MAGI2: variants seen among roughly 807,000 people sequenced by gnomAD.
MAGI2 encodes membrane associated guanylate kinase, WW and PDZ domain containing 2.
MAGI2 carries 35 observed loss-of-function variants against 133.3 expected under a neutral mutation model. The ratio of observed to expected loss-of-function variants is 0.26; its 90% CI spans 0.20 to 0.35. The LOEUF is 0.35. Among genes scored for constraint, MAGI2 ranks in the 10% least tolerant of loss-of-function variants. The probability of loss-of-function intolerance (pLI) is 1.00; values close to 1 mark genes in which losing one functional copy is unlikely to be tolerated. For missense variants in MAGI2, 1,636 were observed against 1,863.4 expected, an observed-to-expected ratio of 0.88 and a Z score of 2.25; for synonymous variants, 729 against 710.6, an observed-to-expected ratio of 1.03 and a Z score of -0.41.
At chr7:79,027,965 T>C (rs1342890129) in intron 1 of MAGI2, among the ~76,000 whole-genome samples, 1 of 151,444 alleles carries the variant, frequency 6.6e-6, no homozygotes, top group Non-Finnish European at 1.5e-5. Context: ...GTAAAAAACA[T>C]ATCTTTGGGA....
chr7:78,891,430 GA>G (rs1351115855), intron 2 of MAGI2, among the ~76,000 whole-genome samples: 1 of 152,106 alleles, frequency 6.6e-6, no homozygotes, highest in Non-Finnish European at 1.5e-5. Context: ...AACAGAAAAA[GA>G]GAATTTTAGA....
chr7:79,307,509 C>T (rs915795702), intron 1 of MAGI2, among the ~76,000 whole-genome samples: 3 of 152,188 alleles, frequency 2.0e-5, no homozygotes, highest in African/African-American at 7.2e-5. Context: ...GCTTTTCCTC[C>T]ATCCCTACCT....
intron 21 of MAGI2, among the ~76,000 whole-genome samples, chr7:78,032,099 A>G (rs1023046462): frequency 6.7e-6 from 1 of 149,596 alleles, no homozygotes; most frequent in African/African-American, 2.5e-5. Context: ...GAGCTGTCCA[A>G]TTGTGTTATT....
At chr7:78,218,928 A>T (rs1337420645) in intron 10 of MAGI2, among the ~76,000 whole-genome samples, 1 of 152,170 alleles carries the variant, frequency 6.6e-6, no homozygotes, top group Non-Finnish European at 1.5e-5. Context: ...CTGGTGCTTC[A>T]TCATAGCCGA....
intron 2 of MAGI2, among the ~76,000 whole-genome samples, chr7:78,947,794 C>A (rs1801540826): frequency 6.6e-6 from 1 of 152,000 alleles, no homozygotes; most frequent in South Asian, 2.1e-4. Flanking sequence ...TTTTTAAAAT[C>A]AAAATAATGG....
intron 7 of MAGI2, among the ~76,000 whole-genome samples, chr7:78,348,020 T>C (rs561896153): frequency 6.6e-6 from 1 of 152,350 alleles, no homozygotes; most frequent in South Asian, 2.1e-4. Flanking sequence ...CCAAAATCCT[T>C]TGAAACCTTC....
At chr7:78,048,819 T>C (rs1189917427) in intron 21 of MAGI2, among the ~76,000 whole-genome samples, 1 of 152,156 alleles carries the variant, frequency 6.6e-6, no homozygotes, top group African/African-American at 2.4e-5. Context: ...TTTTAAGAAA[T>C]GACTTCTGGC....
chr7:78,875,079 A>C (rs1162823770), intron 2 of MAGI2, among the ~76,000 whole-genome samples: 1 of 152,216 alleles, frequency 6.6e-6, no homozygotes, highest in Non-Finnish European at 1.5e-5. Context: ...AAAAAGCTGC[A>C]GAAAAGAGGA....
chr7:78,172,277 G>A (rs1826189605), intron 14 of MAGI2, among the ~76,000 whole-genome samples: 1 of 152,170 alleles, frequency 6.6e-6, no homozygotes, highest in Non-Finnish European at 1.5e-5. Context: ...AAGCCCAGTA[G>A]TATCTGCTCT....
chr7:78,989,167 T>C (rs558221041), intron 2 of MAGI2, among the ~76,000 whole-genome samples: 1 of 152,196 alleles, frequency 6.6e-6, no homozygotes, highest in East Asian at 1.9e-4. Context: ...TTACATTGTC[T>C]AACAGTAGCT....
At chr7:78,888,857 C>G (rs1224007296) in intron 2 of MAGI2, among the ~76,000 whole-genome samples, 2 of 152,108 alleles carry the variant, frequency 1.3e-5, no homozygotes, top group Non-Finnish European at 2.9e-5. Context: ...TACTCACTAG[C>G]AATGGAACAA....
chr7:78,891,091 T>C (rs989733265), intron 2 of MAGI2, among the ~76,000 whole-genome samples: 4 of 152,144 alleles, frequency 2.6e-5, no homozygotes, highest in African/African-American at 9.7e-5. Context: ...CAGAGAATAC[T>C]ATAAACACCT....
At chr7:78,795,837 C>T (rs1170286364) in intron 2 of MAGI2, among the ~76,000 whole-genome samples, 1 of 152,040 alleles carries the variant, frequency 6.6e-6, no homozygotes, top group African/African-American at 2.4e-5. Flanking sequence ...AACAAATCCA[C>T]ACACAGCCAA....
At chr7:78,470,381 A>G (rs1186531351) in intron 6 of MAGI2, among the ~76,000 whole-genome samples, 1 of 152,150 alleles carries the variant, frequency 6.6e-6, no homozygotes, top group African/African-American at 2.4e-5. Flanking sequence ...TTGGGACATA[A>G]GTGATAATGA....
chr7:79,164,856 A>C (rs774528489), intron 1 of MAGI2, among the ~76,000 whole-genome samples: 2 of 152,084 alleles, frequency 1.3e-5, no homozygotes, highest in Non-Finnish European at 2.9e-5. Context: ...CCTAAGGGAT[A>C]TGTCACAGCC....
chr7:78,307,127 G>A (rs1798304568), intron 9 of MAGI2, among the ~76,000 whole-genome samples: 1 of 152,102 alleles, frequency 6.6e-6, no homozygotes, highest in Admixed American at 6.5e-5. Flanking sequence ...ACACATACAT[G>A]TCATAAATTC....
intron 9 of MAGI2, among the ~76,000 whole-genome samples, chr7:78,327,638 G>A (rs1248619923): frequency 6.6e-6 from 1 of 152,166 alleles, no homozygotes. Context: ...CACTGAGGTA[G>A]GTTTTTGGGT....
chr7:78,637,222 G>C (rs1482273444), intron 2 of MAGI2, among the ~76,000 whole-genome samples: 1 of 152,166 alleles, frequency 6.6e-6, no homozygotes, highest in Non-Finnish European at 1.5e-5. Flanking sequence ...AGAGTCATGA[G>C]GAGTATTTTT....
At chr7:78,723,542 T>C (rs960971895) in intron 2 of MAGI2, among the ~76,000 whole-genome samples, 1 of 151,758 alleles carries the variant, frequency 6.6e-6, no homozygotes, top group African/African-American at 2.4e-5. Flanking sequence ...TCTAGAAAAA[T>C]AGGTAAAATT....
Sources: allele counts gnomAD v4.1 joint callset (sites outside exome capture counted in the v4.1 genomes callset), GRCh38; gene constraint gnomAD v4.1.1; transcripts MANE v1.5; gene names NCBI Gene and HGNC (gene_info 2026-07-23, HGNC 2026-07-21).